B4GALT6: variants seen among roughly 807,000 people sequenced by gnomAD.
B4GALT6 encodes beta-1,4-galactosyltransferase 6, also known as UDP-Gal:beta-GlcNAc beta-1,4-galactosyltransferase 6.
Under a neutral mutation model 46.3 loss-of-function variants are expected in B4GALT6, and 14 were observed. That is an observed-to-expected ratio of 0.30 (90% CI 0.20 to 0.47). The LOEUF is 0.47. B4GALT6 is among the 20% of genes least tolerant of loss of function. The pLI is 0.99. For synonymous variants in B4GALT6, 168 were observed against 162.0 expected (o/e 1.04, Z -0.28); for missense variants, 386 against 480.1 (o/e 0.80, Z 1.83).
chr18:31,668,815 C>A, intron 1 of B4GALT6, among the ~76,000 whole-genome samples: 1 of 146,600 alleles, frequency 6.8e-6, no homozygotes. Context: ...GCCTGGCCAA[C>A]ATGGTGAAAT....
At chr18:31,678,366 T>C (rs920115279) in intron 1 of B4GALT6, among the ~76,000 whole-genome samples, 3 of 152,258 alleles carry the variant, frequency 2.0e-5, no homozygotes, top group Middle Eastern at 3.4e-3. Context: ...GCCTCAACTC[T>C]GCCTCATTGT....
At chr18:31,684,625 C>A, upstream of B4GALT6, 5 of 911,284 alleles carry the variant, frequency 5.5e-6, no homozygotes, top group Middle Eastern at 5.6e-4. Flanking sequence ...GCCAGAGAGT[C>A]GGGGGAGGGG....
intron 3 of B4GALT6, 28 bp downstream of exon 3, chr18:31,657,948 G>C: frequency 6.4e-7 from 1 of 1,551,732 alleles, no homozygotes; most frequent in Non-Finnish European, 8.9e-7. Flanking sequence ...CAAGTAAACA[G>C]TTAAGTCAAA....
intron 1 of B4GALT6, among the ~76,000 whole-genome samples, chr18:31,670,423 C>A (rs1281502005): frequency 1.2e-5 from 1 of 80,838 alleles, no homozygotes; most frequent in Non-Finnish European, 2.7e-5. Flanking sequence ...ATTTACTATT[C>A]ATTAGATGAA....
Position 31,684,323 on chromosome 18 carries a change from G to GCCA in B4GALT6, c.101_103dup (p.Val34dup). 1 of 1,613,390 alleles carries GCCA rather than the reference G, an allele frequency of 6.2e-7. No individual in the cohort carries two copies. Among genetic ancestry groups the GCCA allele is most frequent in the Non-Finnish European group, 8.5e-7 (1 of 1,179,738 alleles). On this transcript the variant is annotated inframe_insertion, in exon 1 of 9. Transcript: ENST00000306851. ...GTCTCGGTGCTTACCGATGCCTGGGGCCACATAGATGAAGTACAGACAGGA... is the reference window on the plus strand; with the variant it reads ...GTCTCGGTGCTTACCGATGCCTGGGGCCACCACATAGATGAAGTACAGACAGGA...
intron 1 of B4GALT6, among the ~76,000 whole-genome samples, chr18:31,672,674 T>C (rs905986785): frequency 2.5e-4 from 38 of 152,216 alleles, no homozygotes; most frequent in African/African-American, 8.2e-4. Context: ...TACTAACCTA[T>C]GTAATCCTCA....
chr18:31,670,616 C>T (rs1022240341), intron 1 of B4GALT6, among the ~76,000 whole-genome samples: 2 of 152,104 alleles, frequency 1.3e-5, no homozygotes, highest in Non-Finnish European at 2.9e-5. Flanking sequence ...GGCTGTTAAC[C>T]GGAAGAAAGT....
At position 31,625,489 on chromosome 18, in the gene B4GALT6, T is replaced by C; in HGVS notation, c.*125A>G. The C allele has an allele frequency of 9.6e-7, 1 of 1,044,540 alleles. No individual in the cohort carries two copies. The allele number at this position is 1,044,540 out of a possible 1,614,324, so 64.7% of individuals were successfully genotyped here. On this transcript the variant is annotated 3_prime_UTR_variant, in exon 9 of 9. Transcript: ENST00000306851. The stretch of plus-strand genomic sequence containing the variant: ...ATATAGTCCCACTCTGTAAACACTG[T>C]GGACTGCTGGCTCTTCTCAGAGAAA...
At chr18:31,680,267 AG>A (rs1231983986) in intron 1 of B4GALT6, among the ~76,000 whole-genome samples, 1 of 152,224 alleles carries the variant, frequency 6.6e-6, no homozygotes, top group African/African-American at 2.4e-5. Flanking sequence ...AGGAGGCTAA[AG>A]GGCTATGATA....
In B4GALT6 at chr18:31,629,024, G is replaced by A. The variant is rs79466897; in HGVS notation, c.777-1903C>T. Among the ~76,000 whole-genome samples, 841 of 152,272 alleles carry A rather than the reference G, an allele frequency of 5.5e-3. 4 individuals carry two copies. The highest frequency in any genetic ancestry group is 0.019 in the African/African-American group (799 of 41,548). ...AGCCTACTCCACGTGAGGACGATGA[G>A]GATGAAGACCTTCAGGATGATCCAC... is the stretch of plus-strand genomic sequence containing the variant. On this transcript the variant is annotated intron_variant, in intron 6 of 8. Coordinates refer to ENST00000306851, the MANE Select transcript of B4GALT6 (RefSeq NM_004775.5).
intron 4 of B4GALT6, among the ~76,000 whole-genome samples, chr18:31,643,086 T>C (rs957791772): frequency 1.3e-5 from 2 of 152,138 alleles, no homozygotes; most frequent in Non-Finnish European, 2.9e-5. Flanking sequence ...TGGAACATTA[T>C]CAGTAAGCAG....
chr18:31,638,779 AT>A lies in B4GALT6; in HGVS notation c.472-20del, dbSNP rs777727143. ...CTGCCACCTTTAAAACAAAATAGTC[AT>A]GTATGTAAATAAATATATCTACCAC... is the stretch of plus-strand genomic sequence containing the variant. On this transcript the variant is annotated intron_variant, in intron 4 of 8. Transcript: ENST00000306851. 2.1e-5 allele frequency: 33 copies of A among 1,541,816 alleles called. No homozygotes were observed. The highest frequency in any genetic ancestry group is 1.7e-4 in the Middle Eastern group (1 of 5,888).
intron 1 of B4GALT6, among the ~76,000 whole-genome samples, chr18:31,668,404 T>C (rs1414226503): frequency 6.6e-6 from 1 of 152,178 alleles, no homozygotes; most frequent in Non-Finnish European, 1.5e-5. Context: ...TCCAAACCTC[T>C]GCATCATGCA....
At chr18:31,627,522 A>G (rs745848610) in intron 6 of B4GALT6, among the ~76,000 whole-genome samples, 1 of 152,186 alleles carries the variant, frequency 6.6e-6, no homozygotes, top group African/African-American at 2.4e-5. Flanking sequence ...TAACTGAATT[A>G]TAAACGCATT....
At chr18:31,688,535 C>T (rs1411770037), upstream of B4GALT6, among the ~76,000 whole-genome samples, 1 of 151,694 alleles carries the variant, frequency 6.6e-6, no homozygotes, top group Non-Finnish European at 1.5e-5. Context: ...AAAAGAAAAC[C>T]ACTGTAGTGG....
intron 1 of B4GALT6, among the ~76,000 whole-genome samples, chr18:31,681,651 G>A (rs572609408): frequency 6.6e-6 from 1 of 152,310 alleles, no homozygotes; most frequent in African/African-American, 2.4e-5. Flanking sequence ...ACTGTGTGAT[G>A]TATCTGCTCA....
chr18:31,705,996 G>A, the B4GALT6 span, among the ~76,000 whole-genome samples: 1 of 152,138 alleles, frequency 6.6e-6, no homozygotes, highest in Admixed American at 6.5e-5. Context: ...CTTCTACATT[G>A]GAATGAGAAT....
chr18:31,696,688 T>C, the B4GALT6 span, among the ~76,000 whole-genome samples: 1 of 152,178 alleles, frequency 6.6e-6, no homozygotes. Flanking sequence ...TCAGGAGTAA[T>C]AGGTAGATTT....
At chr18:31,632,638 C>T (rs942709720) in intron 5 of B4GALT6, among the ~76,000 whole-genome samples, 5 of 152,180 alleles carry the variant, frequency 3.3e-5, no homozygotes, top group Non-Finnish European at 4.4e-5. Flanking sequence ...CCTGCCCCTA[C>T]CTCTATTCTC....
Sources: allele counts gnomAD v4.1 joint callset (sites outside exome capture counted in the v4.1 genomes callset), GRCh38; gene constraint gnomAD v4.1.1; transcripts MANE v1.5; gene names NCBI Gene and HGNC (gene_info 2026-07-23, HGNC 2026-07-21).